The following ADGRV1 variants were observed in gnomAD, a reference collection of about 807,000 sequenced individuals.
ADGRV1 encodes G-protein coupled receptor 98.
In ADGRV1, 359 loss-of-function variants were observed where a neutral mutation model predicts 596.2. That is an observed-to-expected ratio of 0.60 (90% CI 0.55 to 0.66). The LOEUF (loss-of-function observed/expected upper bound fraction) is 0.66. ADGRV1 is among the 30% of genes least tolerant of loss of function. The pLI is 0.00. For missense variants in ADGRV1, 7,274 were observed against 7,575.6 expected, an observed-to-expected ratio of 0.96 and a Z score of 1.48; for synonymous variants, 2,681 against 2,679.2, an observed-to-expected ratio of 1.00 and a Z score of -0.02.
At chr5:90,705,963 C>T (rs1372598589) in intron 37 of ADGRV1, among the ~76,000 whole-genome samples, 1 of 152,090 alleles carries the variant, frequency 6.6e-6, no homozygotes. Context: ...TTAGAACCAG[C>T]ACATCATCAT....
intron 86 of ADGRV1, among the ~76,000 whole-genome samples, chr5:91,073,538 G>A (rs533275783): frequency 6.6e-6 from 1 of 152,278 alleles, no homozygotes; most frequent in South Asian, 2.1e-4. Context: ...TGCAGTTCTA[G>A]TTCCTGAACT....
chr5:90,925,245 G>C (rs1006589781), intron 83 of ADGRV1, among the ~76,000 whole-genome samples: 24 of 151,608 alleles, frequency 1.6e-4, no homozygotes, highest in African/African-American at 5.6e-4. Context: ...TCACGATATT[G>C]ATTCTTCCTA....
intron 83 of ADGRV1, among the ~76,000 whole-genome samples, chr5:90,896,937 G>GC (rs1771385083): frequency 6.6e-6 from 1 of 152,180 alleles, no homozygotes; most frequent in Non-Finnish European, 1.5e-5. Context: ...TTGTTGGGGG[G>GC]CTGACCCACA....
At chr5:90,735,069 G>A (rs778030605) in intron 50 of ADGRV1, among the ~76,000 whole-genome samples, 30 of 151,848 alleles carry the variant, frequency 2.0e-4, no homozygotes, top group Non-Finnish European at 3.2e-4. Context: ...TGCTTTTGTC[G>A]CCTCAACTTC....
At chr5:90,866,210 T>A (rs1252599366) in intron 83 of ADGRV1, among the ~76,000 whole-genome samples, 1 of 152,030 alleles carries the variant, frequency 6.6e-6, no homozygotes, top group Non-Finnish European at 1.5e-5. Flanking sequence ...TGTGGTATAA[T>A]GGGTCCGTGA....
intron 83 of ADGRV1, among the ~76,000 whole-genome samples, chr5:90,937,454 A>ATTTT (rs60263347): frequency 1.9e-5 from 2 of 105,032 alleles, no homozygotes; most frequent in Non-Finnish European, 3.9e-5. Context: ...CAGTAACTGT[A>ATTTT]TTTTTTTTTT....
At chr5:90,740,170 G>A (rs1753784082) in intron 50 of ADGRV1, among the ~76,000 whole-genome samples, 1 of 152,114 alleles carries the variant, frequency 6.6e-6, no homozygotes, top group South Asian at 2.1e-4. Flanking sequence ...GATAATCCGT[G>A]GGTCTGGGAA....
Position 90,653,588 on chromosome 5 carries a change from G to A in ADGRV1, c.4014G>A (p.Gly1338=). The change falls in exon 20 of 90, where the codon GGG becomes GGA. Residue 1338 remains glycine (G), a synonymous_variant. Coordinates refer to ENST00000405460, the MANE Select transcript of ADGRV1 (RefSeq NM_032119.4). ...LYFTGLEGAF[G]TVNPKYHPSR... ...TTACCGGACTAGAGGGTGCATTTGG[G>A]ACTGTTAATCCAAAATACCATCCCT... is the stretch of plus-strand genomic sequence containing the variant. The A allele has an allele frequency of 6.2e-7, 1 of 1,613,802 alleles. No homozygotes were observed. The highest frequency in any genetic ancestry group is 8.5e-7 in the Non-Finnish European group (1 of 1,179,840).
intron 83 of ADGRV1, among the ~76,000 whole-genome samples, chr5:90,930,945 A>G (rs542686772): frequency 2.6e-5 from 4 of 152,314 alleles, no homozygotes; most frequent in South Asian, 4.1e-4. Flanking sequence ...ATATTTTAGT[A>G]TGTTGCATCA....
intron 41 of ADGRV1, among the ~76,000 whole-genome samples, chr5:90,711,527 C>G (rs571159985): frequency 7.9e-5 from 12 of 152,160 alleles, no homozygotes; most frequent in African/African-American, 2.9e-4. Context: ...ATTTTCATTA[C>G]TATTCTAAAT....
chr5:90,711,329 C>A lies in ADGRV1; in HGVS notation c.9042+7C>A. On this transcript the variant is annotated splice_region_variant and intron_variant, in intron 41 of 89. Transcript: ENST00000405460. ...TTATATCTTCACCCCAATGGTGGGT[C>A]TCAAAATCTATCACAGATGACTTTT... 6.9e-6 allele frequency: 11 copies of A among 1,587,616 alleles called. No individual in the cohort carries two copies. Among genetic ancestry groups the A allele is most frequent in the Non-Finnish European group, 9.4e-6 (11 of 1,168,776 alleles).
At chr5:90,683,472 GAGA>G (rs1267568345) in intron 27 of ADGRV1, 111 bp from the exon 28 acceptor site, 12 of 842,958 alleles carry the variant, frequency 1.4e-5, no homozygotes, top group Non-Finnish European at 2.1e-5. Context: ...TTGTAGTCTG[GAGA>G]AGAACTTATA....
In ADGRV1 at chr5:90,599,435, C is replaced by T. The variant is rs774596293; in HGVS notation, c.23-15400C>T. Among the ~76,000 whole-genome samples, 33 of 152,220 alleles carry T rather than the reference C, an allele frequency of 2.2e-4. No individual in the cohort carries two copies. The Middle Eastern group carries it at 0.014, about 63-fold the overall frequency. ...TTATTAACATTTTTATCACTAAATACATCAGTCTGAAATGAGTTTACCCTG... is the reference window on the plus strand; with the variant it reads ...TTATTAACATTTTTATCACTAAATATATCAGTCTGAAATGAGTTTACCCTG... On this transcript the variant is annotated intron_variant, in intron 1 of 89. Transcript: ENST00000405460.
chr5:90,682,882 CT>C (rs1223505850), intron 27 of ADGRV1, among the ~76,000 whole-genome samples: 1 of 152,076 alleles, frequency 6.6e-6, no homozygotes, highest in African/African-American at 2.4e-5. Context: ...AATGTATTTT[CT>C]TATACTTTGG....
intron 83 of ADGRV1, among the ~76,000 whole-genome samples, chr5:90,939,053 G>T (rs981923536): frequency 6.6e-6 from 1 of 152,166 alleles, no homozygotes; most frequent in Non-Finnish European, 1.5e-5. Flanking sequence ...ATAAGCACAG[G>T]AGAAGACTGA....
chr5:90,906,995 A>G (rs1351370839), intron 83 of ADGRV1, among the ~76,000 whole-genome samples: 1 of 152,190 alleles, frequency 6.6e-6, no homozygotes, highest in Non-Finnish European at 1.5e-5. Flanking sequence ...GCTTCCGTTT[A>G]CGGTCCATGA....
rs768534331 is a variant in ADGRV1 at position 90,627,762 on chromosome 5, A to T, written c.1224A>T (p.Glu408Asp). 1.3e-6 allele frequency: 2 copies of T among 1,517,732 alleles called. No homozygotes were observed. The highest frequency in any genetic ancestry group is 1.8e-6 in the Non-Finnish European group (2 of 1,125,238). 94.0% of individuals were successfully genotyped at this position (1,517,732 alleles called of 1,614,324 possible). A position where few individuals can be genotyped will look rare whatever the true frequency, so the allele number is the denominator to read the frequency against. Reference sequence around the variant, plus strand: ...TTGAAAGGACAGTTATAATTGATGAAGATAGAATATCAAGGTATGATTTAT... The same window carrying T: ...TTGAAAGGACAGTTATAATTGATGATGATAGAATATCAAGGTATGATTTAT... The part of the protein sequence containing the change: ...VLFERTVIID[E>D]DRISRYEEIT... Residue 408 changes from glutamate to aspartate, a missense_variant, in exon 7 of 90, where the codon GAA becomes GAT. By Grantham distance (45) the Glu-to-Asp change is conservative. This residue lies in a region of ADGRV1 where 1,715 missense variants were observed against 1,708.8 expected (regional missense o/e 1.00). Coordinates refer to ENST00000405460, the MANE Select transcript of ADGRV1 (RefSeq NM_032119.4).
At chr5:90,859,662 C>A (rs1767357178) in intron 82 of ADGRV1, among the ~76,000 whole-genome samples, 1 of 152,116 alleles carries the variant, frequency 6.6e-6, no homozygotes, top group South Asian at 2.1e-4. Flanking sequence ...ACACAACACT[C>A]TCCAATAGAG....
intron 36 of ADGRV1, 150 bp from the exon 37 acceptor site, chr5:90,705,250 A>G (rs1748442853): frequency 1.6e-6 from 1 of 610,942 alleles, no homozygotes; most frequent in African/African-American, 1.8e-5. Flanking sequence ...TGAAAGAAAA[A>G]TGGAATGTGG....
Sources: gnomAD v4.1 joint callset for allele counts (sites outside exome capture counted in the v4.1 genomes callset) on GRCh38, gnomAD v4.1.1 for gene constraint, gnomAD v4.1.1 regional missense constraint, MANE v1.5 for transcripts, NCBI Gene and HGNC (gene_info 2026-07-23, HGNC 2026-07-21) for gene names.